The following SBK1 variants were observed in gnomAD, a reference collection of about 807,000 sequenced individuals.
SBK1 encodes the protein serine/threonine-protein kinase SBK1.
A neutral mutation model predicts 24.4 loss-of-function variants in SBK1; 11 were observed. That is an observed-to-expected ratio of 0.45 (90% CI 0.28 to 0.75). The LOEUF (loss-of-function observed/expected upper bound fraction) is 0.75, where lower values mean the gene tolerates loss of function less well. Ranked by LOEUF, SBK1 falls within the 30% of genes least tolerant of loss-of-function variation. The pLI is 0.12. For missense variants in SBK1, 467 were observed against 620.5 expected (o/e 0.75, Z 2.63); for synonymous variants, 308 against 284.4 (o/e 1.08, Z -0.83).
chr16:28,275,169 A>C lies in SBK1; in HGVS notation c.257+15667A>C, dbSNP rs543563876. 1.3e-3 allele frequency among the ~76,000 whole-genome samples: 200 copies of C among 152,250 alleles called. 1 individual carries two copies. Among genetic ancestry groups the C allele is most frequent in the African/African-American group, 4.6e-3 (193 of 41,556 alleles). On this transcript the variant is annotated intron_variant, in intron 1 of 3. Transcript: ENST00000671413. The stretch of plus-strand genomic sequence containing the variant: ...AGTGAGACCCTCCCCCATCTCTACA[A>C]AAAATTACAAATTAGCCAGTCACTG...
chr16:28,266,672 C>A (rs1350328427), intron 1 of SBK1, among the ~76,000 whole-genome samples: 1 of 151,664 alleles, frequency 6.6e-6, no homozygotes, highest in Non-Finnish European at 1.5e-5. Flanking sequence ...CCCGTGACCA[C>A]CTCCCTCCAG....
At chr16:28,311,397 G>T (rs1297049371) in intron 1 of SBK1, among the ~76,000 whole-genome samples, 2 of 152,142 alleles carry the variant, frequency 1.3e-5, no homozygotes, top group African/African-American at 4.8e-5. Flanking sequence ...AGGCAGGAGA[G>T]ACTCTTCAGG....
chr16:28,281,918 T>G, intron 1 of SBK1, among the ~76,000 whole-genome samples: 1 of 150,040 alleles, frequency 6.7e-6, no homozygotes, highest in African/African-American at 2.5e-5. Context: ...CTGGGAGAGG[T>G]TAAAGGGGTA....
rs531836652 is a variant in SBK1, at chr16:28,317,826, G to C, written c.226+209G>C. On this transcript the variant is annotated intron_variant, in intron 2 of 3. Coordinates refer to ENST00000341901, the MANE Select transcript of SBK1 (RefSeq NM_001024401.3). The surrounding 1 kb of genome is among the most constrained non-coding windows in gnomAD (Gnocchi z 4.2). ...GGCAGATGGGGCAAGGGAGGAATCC[G>C]GGGCAGAGTGGCCAGGGTACAGGAT... 2.6e-4 allele frequency among the ~76,000 whole-genome samples: 40 copies of C among 152,184 alleles called. No homozygotes were observed. In the East Asian group the frequency reaches 7.6e-3, roughly 29 times the overall value.
At chr16:28,262,858 C>T (rs1283270056) in intron 1 of SBK1, among the ~76,000 whole-genome samples, 4 of 152,064 alleles carry the variant, frequency 2.6e-5, no homozygotes, top group South Asian at 2.1e-4. Context: ...GCCTTATATT[C>T]TGGGTGTGTG....
At position 28,317,650 on chromosome 16, in the gene SBK1, T is replaced by C. The variant is rs755799614; in HGVS notation, c.226+33T>C. 4 of 1,477,408 alleles carry C rather than the reference T, an allele frequency of 2.7e-6. No individual in the cohort carries two copies. The highest frequency in any genetic ancestry group is 2.8e-6 in the Non-Finnish European group (3 of 1,056,060). 91.5% of individuals were successfully genotyped at this position (1,477,408 alleles called of 1,614,324 possible). On this transcript the variant is annotated intron_variant, in intron 2 of 3. Coordinates refer to ENST00000341901, the MANE Select transcript of SBK1 (RefSeq NM_001024401.3). The surrounding 1 kb of genome is among the most constrained non-coding windows in gnomAD (Gnocchi z 4.2). Reference sequence around the variant, plus strand: ...AGTGCAGGGTGGCAGGGCTGAGAGGTTGGGGTGGGGCAGGGCTGGGAGGTC... The same window carrying C: ...AGTGCAGGGTGGCAGGGCTGAGAGGCTGGGGTGGGGCAGGGCTGGGAGGTC...
At chr16:28,261,525 G>A (rs1423463277) in intron 1 of SBK1, among the ~76,000 whole-genome samples, 1 of 151,714 alleles carries the variant, frequency 6.6e-6, no homozygotes, top group Non-Finnish European at 1.5e-5. Context: ...AGCTATTCCA[G>A]GGGCTGAAGC....
chr16:28,273,699 G>T (rs1314037495), intron 1 of SBK1, among the ~76,000 whole-genome samples: 1 of 152,236 alleles, frequency 6.6e-6, no homozygotes, highest in Non-Finnish European at 1.5e-5. Context: ...CTCCCACAGT[G>T]CTGGGATTCC....
At chr16:28,290,115 G>A (rs904149455), upstream of SBK1, among the ~76,000 whole-genome samples, 2 of 151,556 alleles carry the variant, frequency 1.3e-5, no homozygotes, top group African/African-American at 4.8e-5. Context: ...AGAGGCAGAT[G>A]TCCTAGAATA....
intron 1 of SBK1, among the ~76,000 whole-genome samples, chr16:28,308,166 G>A (rs969393956): frequency 6.6e-6 from 1 of 152,074 alleles, no homozygotes; most frequent in Non-Finnish European, 1.5e-5. Context: ...TGGTTTGTTT[G>A]TTTTGAGACA....
At chr16:28,315,604 T>C (rs1357128697) in intron 1 of SBK1, among the ~76,000 whole-genome samples, 1 of 151,876 alleles carries the variant, frequency 6.6e-6, no homozygotes, top group Non-Finnish European at 1.5e-5. Flanking sequence ...CTCCAAAAAA[T>C]TTAAACATCA....
chr16:28,287,074 G>C (rs2044569803), intron 1 of SBK1: 1 of 151,814 alleles, frequency 6.6e-6, no homozygotes, highest in South Asian at 2.1e-4. Context: ...CAGCCTGGGG[G>C]AGAAGAGCAA....
chr16:28,313,612 A>AG (rs1451923282), intron 1 of SBK1, among the ~76,000 whole-genome samples: 4 of 150,940 alleles, frequency 2.7e-5, no homozygotes, highest in African/African-American at 4.9e-5. Flanking sequence ...AAAAAAAAAA[A>AG]ACATACTGAC....
intron 1 of SBK1, among the ~76,000 whole-genome samples, chr16:28,295,796 G>A (rs144734657): frequency 1.7e-3 from 253 of 152,188 alleles, no homozygotes; most frequent in African/African-American, 5.8e-3. Flanking sequence ...GCCACAGCGG[G>A]AGAATGACCA....
Position 28,320,971 on chromosome 16 carries a change from C to A in SBK1, c.*50C>A. 1 of 1,331,924 alleles carries A rather than the reference C, an allele frequency of 7.5e-7. No individual in the cohort carries two copies. Among genetic ancestry groups the A allele is most frequent in the Non-Finnish European group, 9.6e-7 (1 of 1,043,554 alleles). 82.5% of individuals were successfully genotyped at this position (1,331,924 alleles called of 1,614,324 possible). A position where few individuals can be genotyped will look rare whatever the true frequency, so the allele number is the denominator to read the frequency against. ...GGGAGCAGCCCGGGCCCGCCCCGAGCCGGTGCCCGGTGCGGCGGTAGGGAA... is the reference window on the plus strand; with the variant it reads ...GGGAGCAGCCCGGGCCCGCCCCGAGACGGTGCCCGGTGCGGCGGTAGGGAA... On this transcript the variant is annotated 3_prime_UTR_variant, in exon 4 of 4. Transcript: ENST00000341901. The surrounding 1 kb of genome is among the most constrained non-coding windows in gnomAD (Gnocchi z 8.5).
At chr16:28,314,182 G>A (rs1441294198) in intron 1 of SBK1, among the ~76,000 whole-genome samples, 7 of 151,178 alleles carry the variant, frequency 4.6e-5, no homozygotes, top group Non-Finnish European at 8.8e-5. Flanking sequence ...ATTTAGATAG[G>A]GTCTCACTCT....
chr16:28,308,721 C>T (rs546572099), intron 1 of SBK1, among the ~76,000 whole-genome samples: 6 of 149,054 alleles, frequency 4.0e-5, no homozygotes, highest in East Asian at 2.0e-4. Flanking sequence ...CACAAGCTAT[C>T]GTGCCTGGCG....
intron 1 of SBK1, among the ~76,000 whole-genome samples, chr16:28,274,672 T>C (rs186418805): frequency 2.4e-4 from 36 of 151,898 alleles, no homozygotes; most frequent in Admixed American, 5.9e-4. Context: ...AAGAAACACG[T>C]TCTGCTCAAT....
chr16:28,308,740 G>GTGTGTGT (rs2044733552), intron 1 of SBK1, among the ~76,000 whole-genome samples: 3 of 130,536 alleles, frequency 2.3e-5, no homozygotes, highest in Non-Finnish European at 4.8e-5. Flanking sequence ...CGTTCTTTGG[G>GTGTGTGT]GTGTGTGTGT....
Sources: gnomAD v4.1 joint callset for allele counts (sites outside exome capture counted in the v4.1 genomes callset) on GRCh38, gnomAD v4.1.1 for gene constraint, Gnocchi (gnomAD v3.1) non-coding constraint, MANE v1.5 for transcripts, NCBI Gene and HGNC (gene_info 2026-07-23, HGNC 2026-07-21) for gene names.